MLLT6: variants seen among roughly 807,000 people sequenced by gnomAD.
MLLT6 encodes the protein MLLT6, PHD finger containing.
In MLLT6, 22 loss-of-function variants were observed where a neutral mutation model predicts 103.0. The ratio of observed to expected loss-of-function variants is 0.21; its 90% CI spans 0.15 to 0.31. The LOEUF (loss-of-function observed/expected upper bound fraction) is 0.31, where lower values mean the gene tolerates loss of function less well. Ranked by LOEUF, MLLT6 falls within the 10% of genes least tolerant of loss-of-function variation. The pLI is 1.00. For synonymous variants in MLLT6, 606 were observed against 623.5 expected (o/e 0.97, Z 0.42); for missense variants, 1,199 against 1,441.7 (o/e 0.83, Z 2.73).
chr17:38,719,677 G>C, intron 13 of MLLT6, 73 bp from the exon 14 acceptor site: 1 of 1,574,070 alleles, frequency 6.4e-7, no homozygotes, highest in South Asian at 1.2e-5. Context: ...GGAACCCCTG[G>C]GGGATACGGG....
chr17:38,724,267 AGAAAAG>A lies in MLLT6; in HGVS notation c.2884-352_2884-347del. 4.1e-6 allele frequency: 1 copy of A among 243,090 alleles called. No homozygotes were observed. The highest frequency in any genetic ancestry group is 1.2e-3 in the Middle Eastern group (1 of 822). 15.1% of individuals were successfully genotyped at this position (243,090 alleles called of 1,614,324 possible). A position where few individuals can be genotyped will look rare whatever the true frequency, so the allele number is the denominator to read the frequency against. On this transcript the variant is annotated intron_variant, in intron 18 of 19. Transcript: ENST00000621332. This position sits in a 1 kb window ranked among gnomAD's most constrained non-coding sequence, Gnocchi z 5.4. ...CAAGACTCCGTCTCACAAAAAGAAAAGAAAAGAAAAGAAAACTATTGACCTAGTTTA... is the reference window on the plus strand; with the variant it reads ...CAAGACTCCGTCTCACAAAAAGAAAAAAAAGAAAACTATTGACCTAGTTTA...
In MLLT6 at chr17:38,716,219, T is replaced by A; in HGVS notation, c.1037-148T>A. ...AAGCTGGAGGGGTCGGGGGTACTCATCCCAGGACACAGACAGTGGCAGAGC... is the reference window on the plus strand; with the variant it reads ...AAGCTGGAGGGGTCGGGGGTACTCAACCCAGGACACAGACAGTGGCAGAGC... On this transcript the variant is annotated intron_variant, in intron 9 of 19. Coordinates refer to ENST00000621332, the MANE Select transcript of MLLT6 (RefSeq NM_005937.4). The surrounding 1 kb of genome is among the most constrained non-coding windows in gnomAD (Gnocchi z 5.6). 1 of 829,488 alleles carries A rather than the reference T, an allele frequency of 1.2e-6. No individual in the cohort carries two copies. Among genetic ancestry groups the A allele is most frequent in the Non-Finnish European group, 1.9e-6 (1 of 539,098 alleles). The allele number at this position is 829,488 out of a possible 1,614,324, so 51.4% of individuals were successfully genotyped here.
Position 38,722,680 on chromosome 17 carries a change from T to G in MLLT6, c.2795T>G (p.Leu932Arg). The G allele has an allele frequency of 1.4e-6, 1 of 708,346 alleles. No homozygotes were observed. Among genetic ancestry groups the G allele is most frequent in the South Asian group, 1.8e-5 (1 of 56,674 alleles). 43.9% of individuals were successfully genotyped at this position (708,346 alleles called of 1,614,324 possible). Residue 932 changes from leucine (L) to arginine (R), a missense_variant and splice_region_variant, in exon 18 of 20, where the codon CTT (leucine) becomes CGT (arginine). Physicochemically the swap from Leu to Arg is moderately radical, Grantham distance 102 (BLOSUM62 -2). Around this residue, in one of 7 missense-constraint regions of MLLT6, gnomAD observed 1,034 missense variants for 1,091.5 expected, o/e 0.95. Coordinates refer to ENST00000621332, the MANE Select transcript of MLLT6 (RefSeq NM_005937.4). ...CCCACCCCCCACCCCCACCTCAGCCTTACAGAGCAGCAGAGACATCTCCTT... is the reference window on the plus strand; with the variant it reads ...CCCACCCCCCACCCCCACCTCAGCCGTACAGAGCAGCAGAGACATCTCCTT... Reference protein sequence around the residue: ...TLQLPGCLNSLTEQQRHLLQQ... With the variant: ...TLQLPGCLNSRTEQQRHLLQQ...
At chr17:38,706,811 G>A in intron 1 of MLLT6, 139 bp from the exon 2 acceptor site, 1 of 617,058 alleles carries the variant, frequency 1.6e-6, no homozygotes, top group Non-Finnish European at 2.9e-6. Context: ...GCTGTAGAGT[G>A]AGTGACCCGT....
intron 8 of MLLT6, chr17:38,714,558 T>G (rs1490946894): frequency 6.6e-6 from 1 of 152,052 alleles, no homozygotes; most frequent in Non-Finnish European, 1.5e-5. Flanking sequence ...GCCAACATGG[T>G]GAAACCCTGC....
intron 14 of MLLT6, 199 bp from the exon 15 acceptor site, chr17:38,720,173 C>G: frequency 1.4e-6 from 1 of 696,266 alleles, no homozygotes. Flanking sequence ...CGACCCCAGC[C>G]TCAGGCTCCG....
rs777475836 is a variant in MLLT6, at chr17:38,717,835, C to T, written c.1834-10C>T. ...AATAACCGCCAGGGGATTCTACCTC[C>T]CTCCCTTAGGTGTTTTCTCTGGCTG... On this transcript the variant is annotated splice_polypyrimidine_tract_variant and intron_variant, in intron 11 of 19. Transcript: ENST00000621332. The T allele has an allele frequency of 6.2e-6, 10 of 1,600,766 alleles. No homozygotes were observed. The South Asian group carries it at 9.9e-5, about 16-fold the overall frequency.
Position 38,721,974 on chromosome 17 carries a change from C to A in MLLT6, c.2539C>A (p.Leu847Met). 2 of 1,504,444 alleles carry A rather than the reference C, an allele frequency of 1.3e-6. No homozygotes were observed. The highest frequency in any genetic ancestry group is 8.9e-7 in the Non-Finnish European group (1 of 1,128,222). The allele number at this position is 1,504,444 out of a possible 1,614,324, so 93.2% of individuals were successfully genotyped here. ...CCTCCTCCAGCAGAGCCCTGCCACT[C>A]TGCCCCTGGCCCTGCCTGGGGCCCC... is the stretch of plus-strand genomic sequence containing the variant. ...LPLLQQSPATLPLALPGAPAP... is the reference protein window; with the variant it reads ...LPLLQQSPATMPLALPGAPAP... Residue 847 changes from leucine (L) to methionine (M), a missense_variant, in exon 17 of 20, where the codon CTG becomes ATG. Physicochemically the swap from Leu to Met is conservative, Grantham distance 15. Around this residue, in one of 7 missense-constraint regions of MLLT6, gnomAD observed 1,034 missense variants for 1,091.5 expected, o/e 0.95. Transcript: ENST00000621332.
rs142394710 is a variant in MLLT6 at position 38,724,744 on chromosome 17, C to G, written c.3008C>G (p.Pro1003Arg). 1.9e-6 allele frequency: 3 copies of G among 1,610,638 alleles called. No individual in the cohort carries two copies. Among genetic ancestry groups the G allele is most frequent in the Non-Finnish European group, 2.5e-6 (3 of 1,178,804 alleles). The change falls in exon 19 of 20, where the codon CCG (proline) becomes CGG (arginine). Residue 1003 changes from proline (P) to arginine (R), a missense_variant. Around this residue, in one of 7 missense-constraint regions of MLLT6, gnomAD observed 1,034 missense variants for 1,091.5 expected, o/e 0.95. Transcript: ENST00000621332. The surrounding 1 kb of genome is among the most constrained non-coding windows in gnomAD (Gnocchi z 5.4). Reference sequence around the variant, plus strand: ...AGCCTGCTGGCAGGAAGCTCCACCCCGCTGCTGTCTGCGGGTACCCCTGGC... The same window carrying G: ...AGCCTGCTGGCAGGAAGCTCCACCCGGCTGCTGTCTGCGGGTACCCCTGGC... ...MASLLAGSST[P>R]LLSAGTPGLL...
chr17:38,709,690 A>T lies in MLLT6; in HGVS notation c.552+115A>T. 1.3e-6 allele frequency: 1 copy of T among 761,250 alleles called. No individual in the cohort carries two copies. Among genetic ancestry groups the T allele is most frequent in the Non-Finnish European group, 2.3e-6 (1 of 441,328 alleles). 47.2% of individuals were successfully genotyped at this position (761,250 alleles called of 1,614,324 possible). On this transcript the variant is annotated intron_variant, in intron 6 of 19. Transcript: ENST00000621332. The surrounding 1 kb of genome is among the most constrained non-coding windows in gnomAD (Gnocchi z 4.3). ...TGCTAGGAGGACAGAGAGGGAAAAAACCCAGTCCCTGCCCAAGAGGAGCTC... is the reference window on the plus strand; with the variant it reads ...TGCTAGGAGGACAGAGAGGGAAAAATCCCAGTCCCTGCCCAAGAGGAGCTC...
rs1905651974 is a variant in MLLT6, at chr17:38,720,363, T to G, written c.2156-9T>G. 24 of 1,324,008 alleles carry G rather than the reference T, an allele frequency of 1.8e-5. No individual in the cohort carries two copies. Among genetic ancestry groups the G allele is most frequent in the Non-Finnish European group, 2.4e-5 (24 of 1,004,030 alleles). 82.0% of individuals were successfully genotyped at this position (1,324,008 alleles called of 1,614,324 possible). A position where few individuals can be genotyped will look rare whatever the true frequency, so the allele number is the denominator to read the frequency against. ...CGCCCCTCCCTCAGGTTCCTCGCTC[T>G]CTCCGCAGTCGTGGAGATGCTGAAG... On this transcript the variant is annotated splice_polypyrimidine_tract_variant and intron_variant, in intron 14 of 19. Coordinates refer to ENST00000621332, the MANE Select transcript of MLLT6 (RefSeq NM_005937.4).
At chr17:38,714,259 C>T (rs1282871844) in intron 8 of MLLT6, 3 of 152,230 alleles carry the variant, frequency 2.0e-5, no homozygotes, top group East Asian at 3.8e-4. Flanking sequence ...TGCAGTCTGG[C>T]TTGAAGGCTT....
Position 38,727,589 on chromosome 17 carries a change from G to A in MLLT6, c.*1991G>A, listed in dbSNP as rs1218001007. 1 of 194,140 alleles carries A rather than the reference G, an allele frequency of 5.2e-6. No homozygotes were observed. The highest frequency in any genetic ancestry group is 6.1e-5 in the Admixed American group (1 of 16,410). The allele number at this position is 194,140 out of a possible 1,614,324, so 12.0% of individuals were successfully genotyped here. A position where few individuals can be genotyped will look rare whatever the true frequency, so the allele number is the denominator to read the frequency against. ...AGGCTGAGGCGGGCGGATCACTTAA[G>A]GTCAGGAGTTCAAGACCAGCCTGGC... is the stretch of plus-strand genomic sequence containing the variant. On this transcript the variant is annotated 3_prime_UTR_variant, in exon 20 of 20. Coordinates refer to ENST00000621332, the MANE Select transcript of MLLT6 (RefSeq NM_005937.4).
chr17:38,724,493 T>C lies in MLLT6; in HGVS notation c.2884-127T>C, dbSNP rs1905919500. 4 of 670,578 alleles carry C rather than the reference T, an allele frequency of 6.0e-6. No individual in the cohort carries two copies. Among genetic ancestry groups the C allele is most frequent in the East Asian group, 5.6e-5 (2 of 35,704 alleles). The allele number at this position is 670,578 out of a possible 1,614,324, so 41.5% of individuals were successfully genotyped here. A position where few individuals can be genotyped will look rare whatever the true frequency, so the allele number is the denominator to read the frequency against. On this transcript the variant is annotated intron_variant, in intron 18 of 19. Coordinates refer to ENST00000621332, the MANE Select transcript of MLLT6 (RefSeq NM_005937.4). The surrounding 1 kb of genome is among the most constrained non-coding windows in gnomAD (Gnocchi z 5.4). ...GGGAAATGCGAGACAGTACCTTGACTGTCTCACAGGCCTCTTGCCTCCTGA... is the reference window on the plus strand; with the variant it reads ...GGGAAATGCGAGACAGTACCTTGACCGTCTCACAGGCCTCTTGCCTCCTGA...
In MLLT6 at chr17:38,726,980, G is replaced by A. The variant is rs1361328501; in HGVS notation, c.*1382G>A. On this transcript the variant is annotated 3_prime_UTR_variant, in exon 20 of 20. Transcript: ENST00000621332. The stretch of plus-strand genomic sequence containing the variant: ...CTGAGTGGACAGTCAGGAGAGAGGC[G>A]AGAGGCAAGGCGAAGCCTGTGTCCC... The A allele has an allele frequency of 1.3e-5, 3 of 233,658 alleles. No homozygotes were observed. Among genetic ancestry groups the A allele is most frequent in the African/African-American group, 2.2e-5 (1 of 45,362 alleles). 14.5% of individuals were successfully genotyped at this position (233,658 alleles called of 1,614,324 possible). A position where few individuals can be genotyped will look rare whatever the true frequency, so the allele number is the denominator to read the frequency against.
Position 38,717,459 on chromosome 17 carries a change from T to A in MLLT6, c.1679T>A (p.Ile560Asn). 3.1e-6 allele frequency: 5 copies of A among 1,610,014 alleles called. No homozygotes were observed. Among genetic ancestry groups the A allele is most frequent in the Non-Finnish European group, 4.2e-6 (5 of 1,177,958 alleles). Residue 560 changes from isoleucine (I) to asparagine (N), a missense_variant, in exon 11 of 20, where the codon ATC becomes AAC. This residue lies in a region of MLLT6 where 1,034 missense variants were observed against 1,091.5 expected (regional missense o/e 0.95). Coordinates refer to ENST00000621332, the MANE Select transcript of MLLT6 (RefSeq NM_005937.4). ...AGIYTSNKDP[I>N]SHSGGMLRAV... ...ATCTACACCAGTAATAAGGACCCCA[T>A]CTCCCACAGTGGCGGGATGCTGCGG...
In MLLT6 at chr17:38,728,201, G is replaced by A. The variant is rs1188928867; in HGVS notation, c.*2603G>A. The A allele has an allele frequency of 8.6e-6, 2 of 233,420 alleles. No homozygotes were observed. Among genetic ancestry groups the A allele is most frequent in the East Asian group, 1.2e-4 (2 of 16,600 alleles). The allele number at this position is 233,420 out of a possible 1,614,324, so 14.5% of individuals were successfully genotyped here. ...CTCTTCCCCCCCACATCTCTCATGA[G>A]AGAGGTAGTGGCATTTCCTTCTCAG... On this transcript the variant is annotated 3_prime_UTR_variant, in exon 20 of 20. Transcript: ENST00000621332.
At chr17:38,713,015 A>T (rs367952593) in intron 8 of MLLT6, 1 of 777,216 alleles carries the variant, frequency 1.3e-6, no homozygotes. Context: ...GCTGTCTGCC[A>T]GATACTCCCA....
Position 38,726,366 on chromosome 17 carries a change from CGTGCATGTGTGTGTGTGTGTGTGTGT to C in MLLT6, c.*772_*797del, listed in dbSNP as rs1906030140. On this transcript the variant is annotated 3_prime_UTR_variant, in exon 20 of 20. Transcript: ENST00000621332. ...GTCTCAGTGTGTGAGTGTGTGTGTG[CGTGCATGTGTGTGTGTGTGTGTGTGT>C]GTGTGTGTGTCTGTCTGCCTGTCTC... The C allele has an allele frequency of 8.7e-6, 2 of 228,648 alleles. No individual in the cohort carries two copies. The highest frequency in any genetic ancestry group is 6.1e-5 in the East Asian group (1 of 16,498). 14.2% of individuals were successfully genotyped at this position (228,648 alleles called of 1,614,324 possible). A position where few individuals can be genotyped will look rare whatever the true frequency, so the allele number is the denominator to read the frequency against.
Sources: gnomAD v4.1 joint callset for allele counts on GRCh38, gnomAD v4.1.1 for gene constraint, gnomAD v4.1.1 regional missense constraint, Gnocchi (gnomAD v3.1) non-coding constraint, MANE v1.5 for transcripts, NCBI Gene and HGNC (gene_info 2026-07-23, HGNC 2026-07-21) for gene names.